The following BOC variants were observed in gnomAD, a reference collection of about 807,000 sequenced individuals.
BOC encodes the protein brother of CDO.
A neutral mutation model predicts 112.0 loss-of-function variants in BOC; 76 were observed. The observed-to-expected ratio is 0.68, with a 90% CI of 0.56 to 0.82. BOC has a LOEUF of 0.82. BOC is among the 40% of genes least tolerant of loss of function. The pLI is 0.00. For synonymous variants in BOC, 580 were observed against 599.8 expected (o/e 0.97, Z 0.48); for missense variants, 1,309 against 1,511.7 (o/e 0.87, Z 2.22).
rs779160491 is a variant in BOC, at chr3:113,272,401, C to T, written c.668-9C>T. 2.5e-6 allele frequency: 4 copies of T among 1,611,430 alleles called. No individual in the cohort carries two copies. The highest frequency in any genetic ancestry group is 2.2e-5 in the East Asian group (1 of 44,790). ...ACGCCTTCTGTCCTTGCCCTCCTTG[C>T]CCCTCCAGGCTCCACCGCTGAGGCT... On this transcript the variant is annotated splice_polypyrimidine_tract_variant and intron_variant, in intron 6 of 19. Coordinates refer to ENST00000682979, the MANE Select transcript of BOC (RefSeq NM_001378074.1).
chr3:113,260,188 G>A (rs1946668113), intron 4 of BOC, among the ~76,000 whole-genome samples: 1 of 152,186 alleles, frequency 6.6e-6, no homozygotes, highest in African/African-American at 2.4e-5. Flanking sequence ...TGTCATGAAA[G>A]AGGAAGACTC....
chr3:113,225,851 C>T (rs1172476376), intron 2 of BOC, among the ~76,000 whole-genome samples: 2 of 152,234 alleles, frequency 1.3e-5, no homozygotes, highest in African/African-American at 2.4e-5. Context: ...AGCCTTGGCC[C>T]TTGCCTCAGT....
At chr3:113,242,852 G>A (rs1944474953) in intron 2 of BOC, among the ~76,000 whole-genome samples, 1 of 152,038 alleles carries the variant, frequency 6.6e-6, no homozygotes, top group African/African-American at 2.4e-5. Context: ...CAAGTGCCAA[G>A]GGGAAAAAAT....
intron 4 of BOC, among the ~76,000 whole-genome samples, chr3:113,264,018 G>A (rs1389083050): frequency 2.0e-5 from 3 of 152,240 alleles, no homozygotes; most frequent in African/African-American, 7.2e-5. Context: ...CAGAAGTGAT[G>A]TATCAGAGTG....
At chr3:113,222,449 A>C (rs1451261503) in intron 2 of BOC, among the ~76,000 whole-genome samples, 1 of 152,230 alleles carries the variant, frequency 6.6e-6, no homozygotes, top group African/African-American at 2.4e-5. Context: ...AGATGTCCCG[A>C]GAATGCTACT....
intron 4 of BOC, among the ~76,000 whole-genome samples, chr3:113,267,655 A>G (rs1262646188): frequency 6.6e-6 from 1 of 152,220 alleles, no homozygotes; most frequent in African/African-American, 2.4e-5. Flanking sequence ...TCTGGTTATA[A>G]CCATGGCCGG....
intron 2 of BOC, among the ~76,000 whole-genome samples, chr3:113,221,106 C>G (rs1283811856): frequency 1.3e-5 from 2 of 152,134 alleles, no homozygotes; most frequent in African/African-American, 4.8e-5. Context: ...GGTATGTGAC[C>G]CTAGGCAAAT....
chr3:113,247,869 C>T (rs1238583239), intron 2 of BOC, among the ~76,000 whole-genome samples: 1 of 152,076 alleles, frequency 6.6e-6, no homozygotes, highest in Non-Finnish European at 1.5e-5. Flanking sequence ...AGAGCAAAAG[C>T]TCTCTCTCTA....
intron 15 of BOC, among the ~76,000 whole-genome samples, chr3:113,282,286 G>A (rs1449290078): frequency 6.6e-6 from 1 of 152,182 alleles, no homozygotes; most frequent in African/African-American, 2.4e-5. Flanking sequence ...TGGGCTGAGG[G>A]TTGAGAACTG....
At chr3:113,276,236 C>T (rs1321809057) in intron 9 of BOC, among the ~76,000 whole-genome samples, 3 of 152,234 alleles carry the variant, frequency 2.0e-5, no homozygotes, top group African/African-American at 2.4e-5. Context: ...GAAGCAGCCT[C>T]GCAGAAGAGG....
intron 5 of BOC, chr3:113,269,808 T>G (rs1947909876): frequency 6.6e-6 from 1 of 152,210 alleles, no homozygotes; most frequent in Non-Finnish European, 1.5e-5. Context: ...TTTCTCCCAC[T>G]CCATCTGGCA....
In BOC at chr3:113,283,496, G is replaced by A; in HGVS notation, c.2520G>A (p.Arg840=). The A allele has an allele frequency of 1.2e-6, 2 of 1,614,038 alleles. No homozygotes were observed. The highest frequency in any genetic ancestry group is 1.7e-5 in the Admixed American group (1 of 60,004). Residue 840 remains arginine (R), a synonymous_variant, in exon 16 of 20, where the codon CGG becomes CGA. Transcript: ENST00000682979. The part of the protein sequence containing the change: ...PQPPLPETIE[R]PVGTGAMVAR... ...CGCCCCTTCCTGAAACCATAGAGCGGCCGGTGGGCACTGGGGCCATGGTGG... is the reference window on the plus strand; with the variant it reads ...CGCCCCTTCCTGAAACCATAGAGCGACCGGTGGGCACTGGGGCCATGGTGG...
intron 2 of BOC, among the ~76,000 whole-genome samples, chr3:113,246,217 C>G (rs1944905126): frequency 6.6e-6 from 1 of 152,002 alleles, no homozygotes; most frequent in African/African-American, 2.4e-5. Context: ...TGTGTGTGTC[C>G]AAATAACCCT....
intron 2 of BOC, among the ~76,000 whole-genome samples, chr3:113,229,499 G>A (rs967654747): frequency 2.7e-4 from 41 of 152,270 alleles, no homozygotes; most frequent in Middle Eastern, 3.4e-3. Flanking sequence ...TATGGCTCAG[G>A]GACCTGTTTG....
Position 113,271,213 on chromosome 3 carries a change from C to A in BOC, c.667+269C>A, listed in dbSNP as rs890059651. 9 of 628,786 alleles carry A rather than the reference C, an allele frequency of 1.4e-5. No homozygotes were observed. The African/African-American group carries it at 1.6e-4, about 11-fold the overall frequency. 39.0% of individuals were successfully genotyped at this position (628,786 alleles called of 1,614,324 possible). ...GGAGGTTTCCTTCACGGTTACTTTG[C>A]GATTGGGATGGGTCAGAATGTGTGT... On this transcript the variant is annotated intron_variant, in intron 6 of 19. Coordinates refer to ENST00000682979, the MANE Select transcript of BOC (RefSeq NM_001378074.1).
At chr3:113,221,457 AC>A (rs977906672) in intron 2 of BOC, among the ~76,000 whole-genome samples, 1 of 151,512 alleles carries the variant, frequency 6.6e-6, no homozygotes, top group African/African-American at 2.4e-5. Flanking sequence ...GGGTAGATAA[AC>A]CCCCCATGCC....
At chr3:113,277,728 C>T (rs560920246) in intron 9 of BOC, among the ~76,000 whole-genome samples, 44 of 152,350 alleles carry the variant, frequency 2.9e-4, no homozygotes, top group African/African-American at 9.9e-4. Flanking sequence ...GCAGAGGGAA[C>T]TGCATTTGGT....
intron 2 of BOC, among the ~76,000 whole-genome samples, chr3:113,232,073 A>T (rs1369799833): frequency 6.6e-6 from 1 of 152,016 alleles, no homozygotes; most frequent in South Asian, 2.1e-4. Context: ...CAACTGGTGG[A>T]GCCTAAGAGC....
intron 2 of BOC, among the ~76,000 whole-genome samples, chr3:113,217,345 G>T (rs779306494): frequency 6.6e-6 from 1 of 152,126 alleles, no homozygotes; most frequent in African/African-American, 2.4e-5. Flanking sequence ...GCAAAACTCT[G>T]TCTCTACAAA....
Sources: gnomAD v4.1 joint callset for allele counts (sites outside exome capture counted in the v4.1 genomes callset) on GRCh38, gnomAD v4.1.1 for gene constraint, MANE v1.5 for transcripts, NCBI Gene and HGNC (gene_info 2026-07-23, HGNC 2026-07-21) for gene names.